Variants in ASIC2 observed in about 807,000 individuals in gnomAD.
ASIC2 encodes the protein acid-sensing ion channel 2.
Under a neutral mutation model 57.3 loss-of-function variants are expected in ASIC2, and 25 were observed. The observed-to-expected ratio is 0.44, with a 90% confidence interval of 0.32 to 0.61. The LOEUF (loss-of-function observed/expected upper bound fraction) is 0.61. Among genes scored for constraint, ASIC2 ranks in the 20% least tolerant of loss-of-function variants. ASIC2 has a pLI of 0.06. For synonymous variants in ASIC2, 319 were observed against 307.5 expected, an observed-to-expected ratio of 1.04 and a Z score of -0.39; for missense variants, 641 against 738.1, an observed-to-expected ratio of 0.87 and a Z score of 1.52.
At chr17:33,046,862 CG>C (rs1454084485) in intron 3 of ASIC2, among the ~76,000 whole-genome samples, 2 of 152,210 alleles carry the variant, frequency 1.3e-5, no homozygotes. Flanking sequence ...CGCTGGAGGC[CG>C]GGCAGAGTCG....
rs1017635378 is a variant in ASIC2, at chr17:33,292,500, G to C, written c.-385C>G. On this transcript the variant is annotated 5_prime_UTR_variant, in exon 1 of 10. Transcript: ENST00000225823. ...CCCGCCTTCCCTCGTCCTGGACCTC[G>C]GGGGACCCTGAGCCGAGTCCCCCCT... 82 of 985,642 alleles carry C rather than the reference G, an allele frequency of 8.3e-5. No individual in the cohort carries two copies. In the African/African-American group the frequency reaches 1.3e-3, roughly 16 times the overall value. The allele number at this position is 985,642 out of a possible 1,614,324, so 61.1% of individuals were successfully genotyped here.
chr17:33,816,317 A>T (rs1912580442), intron 1 of ASIC2, among the ~76,000 whole-genome samples: 1 of 152,068 alleles, frequency 6.6e-6, no homozygotes, highest in Non-Finnish European at 1.5e-5. Context: ...GAAAAAGGGG[A>T]TGGATAATAA....
chr17:33,337,681 G>A lies in ASIC2; in HGVS notation c.556-225614C>T, dbSNP rs143913869. Among the ~76,000 whole-genome samples the A allele has an allele frequency of 7.2e-5, 11 of 152,320 alleles. No individual in the cohort carries two copies. The Middle Eastern group carries it at 0.014, about 188-fold the overall frequency. On this transcript the variant is annotated intron_variant, in intron 1 of 9. Coordinates refer to the ASIC2 transcript ENST00000359872. Reference sequence around the variant, plus strand: ...CTGGAGGGGCAAGGAGGATGGAGATGTTTCTCTGAGATGTTCTGGAAGGGC... The same window carrying A: ...CTGGAGGGGCAAGGAGGATGGAGATATTTCTCTGAGATGTTCTGGAAGGGC...
chr17:33,278,447 C>T (rs751754551), intron 1 of ASIC2, among the ~76,000 whole-genome samples: 130 of 151,610 alleles, frequency 8.6e-4, no homozygotes, highest in Non-Finnish European at 7.4e-4. Flanking sequence ...GAGATCATGC[C>T]CCTGTACTCC....
chr17:33,588,034 G>A (rs1904696916), intron 1 of ASIC2, among the ~76,000 whole-genome samples: 1 of 152,180 alleles, frequency 6.6e-6, no homozygotes, highest in African/African-American at 2.4e-5. Flanking sequence ...ACTGTAAAAT[G>A]TTCCCAATTC....
chr17:33,307,255 C>G (rs1429987687), intron 1 of ASIC2, among the ~76,000 whole-genome samples: 1 of 150,518 alleles, frequency 6.6e-6, no homozygotes, highest in African/African-American at 2.4e-5. Context: ...TCCTCCTCCT[C>G]CTTCTCTTCC....
At chr17:33,661,831 C>T (rs1011415338) in intron 1 of ASIC2, among the ~76,000 whole-genome samples, 1 of 152,146 alleles carries the variant, frequency 6.6e-6, no homozygotes, top group Non-Finnish European at 1.5e-5. Flanking sequence ...GAGGAGAGGG[C>T]TCTGGCAGAA....
At chr17:33,759,796 G>A (rs1029692805) in intron 1 of ASIC2, among the ~76,000 whole-genome samples, 1 of 152,202 alleles carries the variant, frequency 6.6e-6, no homozygotes, top group African/African-American at 2.4e-5. Context: ...ACAAGTCCAT[G>A]TGGTGCTAAT....
chr17:34,049,125 C>A (rs1040853796), intron 1 of ASIC2, among the ~76,000 whole-genome samples: 1 of 151,872 alleles, frequency 6.6e-6, no homozygotes, highest in Non-Finnish European at 1.5e-5. Flanking sequence ...TAGACTGTCC[C>A]TACAAAAAAA....
intron 1 of ASIC2, among the ~76,000 whole-genome samples, chr17:34,135,394 T>A (rs894788435): frequency 6.6e-6 from 1 of 152,218 alleles, no homozygotes; most frequent in African/African-American, 2.4e-5. Flanking sequence ...TCAGCAAACC[T>A]AGCACTAGGT....
chr17:33,359,014 C>A (rs975965911), intron 1 of ASIC2, among the ~76,000 whole-genome samples: 1 of 152,156 alleles, frequency 6.6e-6, no homozygotes, highest in Non-Finnish European at 1.5e-5. Flanking sequence ...AGGTGGGGAG[C>A]CTCTTTGCCC....
intron 3 of ASIC2, among the ~76,000 whole-genome samples, chr17:33,085,581 G>T (rs181337332): frequency 4.6e-5 from 7 of 152,206 alleles, no homozygotes; most frequent in Non-Finnish European, 8.8e-5. Context: ...TGAGGGCAGA[G>T]ACTGCGTCTC....
intron 1 of ASIC2, among the ~76,000 whole-genome samples, chr17:33,191,521 A>G (rs906165783): frequency 6.9e-6 from 1 of 144,846 alleles, no homozygotes; most frequent in Non-Finnish European, 1.5e-5. Context: ...AAAATGTTAA[A>G]AGAAGAAGAA....
intron 1 of ASIC2, among the ~76,000 whole-genome samples, chr17:33,962,094 A>G (rs987413360): frequency 6.6e-6 from 1 of 152,170 alleles, no homozygotes; most frequent in Admixed American, 6.5e-5. Flanking sequence ...CTCCCACCCC[A>G]GAATGCAAGC....
chr17:33,567,343 G>A (rs1017792899), intron 1 of ASIC2, among the ~76,000 whole-genome samples: 7 of 151,974 alleles, frequency 4.6e-5, no homozygotes, highest in South Asian at 2.1e-4. Context: ...AGTGTAGAGA[G>A]TGAAGGTGCG....
At chr17:33,613,420 A>G (rs1403568386) in intron 1 of ASIC2, among the ~76,000 whole-genome samples, 3 of 141,048 alleles carry the variant, frequency 2.1e-5, no homozygotes, top group Non-Finnish European at 4.5e-5. Context: ...ACTGGAGTGC[A>G]GTGTTGCGAT....
At chr17:33,639,594 C>CTGTT (rs1286318606) in intron 1 of ASIC2, among the ~76,000 whole-genome samples, 2 of 152,042 alleles carry the variant, frequency 1.3e-5, no homozygotes, top group African/African-American at 4.8e-5. Flanking sequence ...GGGGCAGGAG[C>CTGTT]TGTTAATCCT....
chr17:33,509,502 C>T (rs1386008566), intron 1 of ASIC2, among the ~76,000 whole-genome samples: 2 of 152,188 alleles, frequency 1.3e-5, no homozygotes. Context: ...CCACACTGCT[C>T]GCTAACAGAC....
At chr17:33,865,179 G>T (rs1256795738) in intron 1 of ASIC2, among the ~76,000 whole-genome samples, 1 of 152,182 alleles carries the variant, frequency 6.6e-6, no homozygotes, top group Admixed American at 6.5e-5. Flanking sequence ...GCCCCAGGTT[G>T]CAGGACACAC....
Sources: allele counts gnomAD v4.1 joint callset (sites outside exome capture counted in the v4.1 genomes callset), GRCh38; gene constraint gnomAD v4.1.1; transcripts MANE v1.5; gene names NCBI Gene and HGNC (gene_info 2026-07-23, HGNC 2026-07-21).